The following LRIG1 variants were observed in gnomAD, a reference collection of about 807,000 sequenced individuals.
The protein encoded by LRIG1 is leucine rich repeats and immunoglobulin like domains 1.
Under a neutral mutation model 99.2 loss-of-function variants are expected in LRIG1, and 48 were observed. That is an observed-to-expected ratio of 0.48 (90% CI 0.38 to 0.62). The LOEUF is 0.62. Among genes scored for constraint, LRIG1 ranks in the 20% least tolerant of loss-of-function variants. The probability of loss-of-function intolerance (pLI) is 0.00; values close to 1 mark genes in which losing one functional copy is unlikely to be tolerated. For missense variants in LRIG1, 1,646 were observed against 1,434.4 expected, an observed-to-expected ratio of 1.15 and a Z score of -2.38; for synonymous variants, 772 against 596.1, an observed-to-expected ratio of 1.29 and a Z score of -4.30.
chr3:66,453,584 A>G (rs3845898), intron 2 of LRIG1, among the ~76,000 whole-genome samples: 143,035 of 152,286 alleles, frequency 0.94, 67,522 homozygotes, highest in Non-Finnish European at 1. Context: ...ACAACTTTGA[A>G]TCAGGTACCA....
Position 66,384,004 on chromosome 3 carries a change from G to T in LRIG1, c.2058C>A (p.Thr686=). Residue 686 remains threonine (T), a synonymous_variant, in exon 14 of 19, where the codon ACC becomes ACA. Transcript: ENST00000273261. The part of the protein sequence containing the change: ...NSAGSISANA[T]LTVLETPSLV... ...CAATAGGCAAACCTAGGACAGTCAG[G>T]GTGGCATTAGCTGAAATAGAACCGG... 1 of 1,612,838 alleles carries T rather than the reference G, an allele frequency of 6.2e-7. No homozygotes were observed. The highest frequency in any genetic ancestry group is 8.5e-7 in the Non-Finnish European group (1 of 1,179,456).
intron 1 of LRIG1, among the ~76,000 whole-genome samples, chr3:66,474,895 G>C (rs900789977): frequency 1.3e-5 from 2 of 152,194 alleles, no homozygotes; most frequent in Non-Finnish European, 2.9e-5. Flanking sequence ...CTTGTCAAAA[G>C]TCAATTATCA....
At chr3:66,451,325 A>C (rs1048556050) in intron 3 of LRIG1, among the ~76,000 whole-genome samples, 3 of 152,082 alleles carry the variant, frequency 2.0e-5, no homozygotes, top group African/African-American at 7.2e-5. Context: ...AAAAAAAGAC[A>C]AAAGACCTAC....
At chr3:66,484,334 A>G (rs1700920643) in intron 1 of LRIG1, among the ~76,000 whole-genome samples, 1 of 152,230 alleles carries the variant, frequency 6.6e-6, no homozygotes, top group Non-Finnish European at 1.5e-5. Context: ...GATTCTGGGA[A>G]TACAATGGTG....
intron 5 of LRIG1, among the ~76,000 whole-genome samples, chr3:66,413,536 G>A (rs1012500512): frequency 5.0e-4 from 76 of 152,328 alleles, no homozygotes; most frequent in African/African-American, 1.7e-3. Context: ...TACTGCACAT[G>A]GGGGCAGGGG....
At chr3:66,382,520 G>T in intron 15 of LRIG1, 122 bp from the exon 16 acceptor site, 5 of 1,138,458 alleles carry the variant, frequency 4.4e-6, no homozygotes, top group Non-Finnish European at 6.5e-6. Flanking sequence ...TGTGCAGAGA[G>T]ATGACATGGA....
chr3:66,386,113 C>T lies in LRIG1; in HGVS notation c.1657G>A (p.Gly553Arg), dbSNP rs77775448. 8.8e-4 allele frequency: 1,416 copies of T among 1,614,130 alleles called. 9 individuals are homozygous for T. The African/African-American group carries it at 0.017, about 19-fold the overall frequency. ...ATGGTGGTGTACTCCATCACTTCCC[C>T]GTCCTGCGCGTGGACGTGGACAAAG... ...ENFVHVHAQD[G>R]EVMEYTTILH... Residue 553 changes from glycine to arginine, a missense_variant, in exon 13 of 19, where the codon GGG becomes AGG. By Grantham distance (125) the Gly-to-Arg change is moderately radical. Transcript: ENST00000273261.
Position 66,436,287 on chromosome 3 carries a change from G to A in LRIG1, c.365+15272C>T, listed in dbSNP as rs74632751. ...CCACACTCCCAAAGCATCATCCTTC[G>A]TATACTGGCCTTGGGAGGTGTTCCA... On this transcript the variant is annotated intron_variant, in intron 3 of 18. Coordinates refer to ENST00000273261, the MANE Select transcript of LRIG1 (RefSeq NM_015541.3). Among the ~76,000 whole-genome samples the A allele has an allele frequency of 5.2e-3, 795 of 152,232 alleles. 26 individuals are homozygous for A. The East Asian group carries it at 0.089, about 17-fold the overall frequency.
At chr3:66,408,987 G>A (rs1176956444) in intron 7 of LRIG1, among the ~76,000 whole-genome samples, 4 of 146,226 alleles carry the variant, frequency 2.7e-5, no homozygotes, top group Non-Finnish European at 6.0e-5. Flanking sequence ...GGAGGAGGAG[G>A]GAAGGAAGGA....
chr3:66,400,337 A>G (rs1451075487), intron 9 of LRIG1, among the ~76,000 whole-genome samples: 1 of 152,132 alleles, frequency 6.6e-6, no homozygotes, highest in Non-Finnish European at 1.5e-5. Context: ...TCTGATGAGA[A>G]CCCACCAAAG....
intron 2 of LRIG1, among the ~76,000 whole-genome samples, chr3:66,456,710 G>T (rs1351242015): frequency 6.6e-6 from 1 of 152,110 alleles, no homozygotes; most frequent in Non-Finnish European, 1.5e-5. Flanking sequence ...CCACTGTGGG[G>T]AGCAGCAGCC....
At chr3:66,424,992 A>T (rs1403677394) in intron 3 of LRIG1, among the ~76,000 whole-genome samples, 1 of 152,200 alleles carries the variant, frequency 6.6e-6, no homozygotes, top group African/African-American at 2.4e-5. Flanking sequence ...TATTAAATGC[A>T]TTTTTTGCTT....
At chr3:66,431,732 C>T (rs1703179507) in intron 3 of LRIG1, among the ~76,000 whole-genome samples, 1 of 152,166 alleles carries the variant, frequency 6.6e-6, no homozygotes. Context: ...ACATGCTGAC[C>T]TCACGCCAAA....
At chr3:66,391,223 A>C (rs1701603438) in intron 12 of LRIG1, among the ~76,000 whole-genome samples, 1 of 152,222 alleles carries the variant, frequency 6.6e-6, no homozygotes, top group Admixed American at 6.5e-5. Context: ...GGCATGTAAA[A>C]TCATGAAGCC....
rs1482981610 is a variant in LRIG1 at position 66,380,748 on chromosome 3, G to GC, written c.2883dup (p.Pro962AlafsTer10). 1 of 1,614,104 alleles carries GC rather than the reference G, an allele frequency of 6.2e-7. No individual in the cohort carries two copies. The highest frequency in any genetic ancestry group is 8.5e-7 in the Non-Finnish European group (1 of 1,180,052). On this transcript the variant is annotated frameshift_variant, in exon 18 of 19. Transcript: ENST00000273261. LOFTEE classifies it high-confidence loss of function. ...CTCCCACCCGGCTCCGGGCCATTTG[G>GC]CGCACTTGGCTGTGCGCTGTCTCTG...
intron 3 of LRIG1, among the ~76,000 whole-genome samples, chr3:66,448,644 C>T (rs768746290): frequency 3.3e-5 from 5 of 152,194 alleles, no homozygotes; most frequent in Non-Finnish European, 5.9e-5. Context: ...CCACACCTAG[C>T]CCTGACTTTT....
At position 66,434,135 on chromosome 3, in the gene LRIG1, A is replaced by G. The variant is rs543196201; in HGVS notation, c.366-16869T>C. 7.2e-5 allele frequency among the ~76,000 whole-genome samples: 11 copies of G among 152,376 alleles called. No homozygotes were observed. The East Asian group carries it at 2.1e-3, about 29-fold the overall frequency. ...TGTTTGTTCAGTGAAAGACTCTGCT[A>G]AGATGAAAAGACAAGCTACAGATTG... On this transcript the variant is annotated intron_variant, in intron 3 of 18. Transcript: ENST00000273261.
chr3:66,378,880 C>T lies in LRIG1; in HGVS notation c.*1383G>A, dbSNP rs1453600359. 6.6e-6 allele frequency: 1 copy of T among 152,634 alleles called. No homozygotes were observed. The highest frequency in any genetic ancestry group is 1.5e-5 in the Non-Finnish European group (1 of 68,038). 9.5% of individuals were successfully genotyped at this position (152,634 alleles called of 1,614,324 possible). A position where few individuals can be genotyped will look rare whatever the true frequency, so the allele number is the denominator to read the frequency against. On this transcript the variant is annotated 3_prime_UTR_variant, in exon 19 of 19. Coordinates refer to ENST00000273261, the MANE Select transcript of LRIG1 (RefSeq NM_015541.3). ...AATATTTTACATGGTTTTCAATGTA[C>T]ACTGTACCAAAATTTCTATAAATAA...
chr3:66,468,070 G>A (rs531407652), intron 1 of LRIG1, among the ~76,000 whole-genome samples: 2 of 152,316 alleles, frequency 1.3e-5, no homozygotes, highest in African/African-American at 4.8e-5. Context: ...TAATTCTATA[G>A]GCTTAAACGG....
Sources: gnomAD v4.1 joint callset for allele counts (sites outside exome capture counted in the v4.1 genomes callset) on GRCh38, gnomAD v4.1.1 for gene constraint, MANE v1.5 for transcripts, NCBI Gene and HGNC (gene_info 2026-07-23, HGNC 2026-07-21) for gene names.